Variants in TENM1 observed in about 807,000 individuals in gnomAD.
The protein encoded by TENM1 is teneurin transmembrane protein 1.
TENM1 carries 35 observed loss-of-function variants against 174.8 expected under a neutral mutation model. The observed-to-expected ratio is 0.20, with a 90% CI of 0.15 to 0.27. The LOEUF (loss-of-function observed/expected upper bound fraction) is 0.27. Ranked by LOEUF, TENM1 falls within the 10% of genes least tolerant of loss-of-function variation. The pLI, the probability that TENM1 is intolerant of heterozygous loss-of-function variation, is 1.00. For synonymous variants in TENM1, 781 were observed against 798.7 expected (o/e 0.98, Z 0.37); for missense variants, 1,633 against 2,130.1 (o/e 0.77, Z 4.59).
intron 11 of TENM1, among the ~76,000 whole-genome samples, chrX:124,608,193 A>G (rs901759524): frequency 1.8e-5 from 2 of 111,464 alleles, no homozygotes; most frequent in Admixed American, 1.9e-4. Context: ...ACCAGAGAAC[A>G]TTGTCTTTAG....
chrX:124,392,472 C>T (rs771311236), intron 27 of TENM1, 124 bp from the exon 31 acceptor site: 23 of 527,341 alleles, frequency 4.4e-5, no homozygotes, highest in Admixed American at 3.4e-4. Flanking sequence ...TGAAGCCTCA[C>T]GGCTTCACAT....
chrX:124,505,229 C>T (rs771153334), intron 18 of TENM1, among the ~76,000 whole-genome samples: 1 of 112,393 alleles, frequency 8.9e-6, no homozygotes, highest in Admixed American at 9.4e-5. Flanking sequence ...GGCGGGGATG[C>T]CCTTCTATCA....
chrX:125,188,051 C>T, the TENM1 span, among the ~76,000 whole-genome samples: 1 of 111,133 alleles, frequency 9.0e-6, no homozygotes, highest in African/African-American at 3.3e-5. Context: ...GCAGTGTGGG[C>T]CACACAGGGT....
intron 3 of TENM1, among the ~76,000 whole-genome samples, chrX:124,804,113 T>C (rs1230552287): frequency 3.6e-5 from 4 of 112,063 alleles, no homozygotes; most frequent in African/African-American, 1.3e-4. Flanking sequence ...AGGCTGACAA[T>C]GATTTTCTCT....
At chrX:125,103,547 C>T in the TENM1 span, among the ~76,000 whole-genome samples, 2 of 111,328 alleles carry the variant, frequency 1.8e-5, no homozygotes, top group South Asian at 3.8e-4. Flanking sequence ...CTAATCAAAG[C>T]GCCAGAAATA....
intron 3 of TENM1, among the ~76,000 whole-genome samples, chrX:124,795,078 T>C (rs1235651610): frequency 8.9e-6 from 1 of 112,019 alleles, no homozygotes; most frequent in Non-Finnish European, 1.9e-5. Context: ...TATTACCATA[T>C]CTACATATTT....
At position 124,766,910 on chromosome X, in the gene TENM1, G is replaced by T. The variant is rs141071570; in HGVS notation, c.536-29713C>A. 2.8e-3 allele frequency among the ~76,000 whole-genome samples: 314 copies of T among 111,529 alleles called. 1 individual carries two copies. The highest frequency in any genetic ancestry group is 9.8e-3 in the African/African-American group (302 of 30,833). On this transcript the variant is annotated intron_variant, in intron 3 of 31. Transcript: ENST00000422452. ...TAATTCTTATTAAATTAGGATATCT[G>T]ATATCTCTGTAACTTATTAACAGCT... is the stretch of plus-strand genomic sequence containing the variant.
the TENM1 span, among the ~76,000 whole-genome samples, chrX:125,016,049 C>T: frequency 9.0e-6 from 1 of 110,866 alleles, no homozygotes; most frequent in South Asian, 3.8e-4. Flanking sequence ...ACAAATAGCT[C>T]CTCCAAAAAT....
chrX:124,952,537 A>G (rs1353247436), intron 1 of TENM1, among the ~76,000 whole-genome samples: 1 of 111,310 alleles, frequency 9.0e-6, no homozygotes, highest in East Asian at 2.8e-4. Context: ...ATAATTTGAG[A>G]CACATTAGCA....
chrX:124,593,833 C>T (rs2049823568), intron 11 of TENM1, among the ~76,000 whole-genome samples: 1 of 111,770 alleles, frequency 8.9e-6, no homozygotes, highest in Admixed American at 9.5e-5. Context: ...GGATTGCAGT[C>T]GGGGAGAGCA....
intron 3 of TENM1, among the ~76,000 whole-genome samples, chrX:124,820,074 G>A (rs1245982136): frequency 9.0e-6 from 1 of 110,988 alleles, no homozygotes; most frequent in African/African-American, 3.3e-5. Flanking sequence ...GATTACAGGA[G>A]TGAGCTGCCC....
the TENM1 span, among the ~76,000 whole-genome samples, chrX:125,027,323 C>T: frequency 9.0e-6 from 1 of 110,983 alleles, no homozygotes; most frequent in East Asian, 2.8e-4. Flanking sequence ...ACAGTATTAA[C>T]GAAGGCTGAA....
chrX:124,927,184 CAGTGATAAACACCTTACCTAA>C lies in TENM1; in HGVS notation c.218-30964_218-30944del, dbSNP rs1410671508. ...ATTTTAAAGAGATATCAGAGACACC[CAGTGATAAACACCTTACCTAA>C]AGTCACAGTATGGATAACTAAAAAA... On this transcript the variant is annotated intron_variant, in intron 1 of 31. Transcript: ENST00000422452. Among the ~76,000 whole-genome samples, 4 of 111,652 alleles carry C rather than the reference CAGTGATAAACACCTTACCTAA, an allele frequency of 3.6e-5. No individual in the cohort carries two copies. The East Asian group carries it at 8.4e-4, about 24-fold the overall frequency.
At chrX:124,466,291 C>T (rs2061240031) in intron 22 of TENM1, among the ~76,000 whole-genome samples, 1 of 111,216 alleles carries the variant, frequency 9.0e-6, no homozygotes. Flanking sequence ...ACAATTTGAG[C>T]AATTTAAAAA....
intron 11 of TENM1, among the ~76,000 whole-genome samples, chrX:124,634,226 C>CT (rs1426709104): frequency 9.0e-6 from 1 of 111,493 alleles, no homozygotes; most frequent in African/African-American, 3.3e-5. Flanking sequence ...TATATTTCAA[C>CT]TTTTTTATTG....
intron 25 of TENM1, chrX:124,412,161 A>C (rs1032030400): frequency 3.5e-5 from 4 of 112,865 alleles, no homozygotes; most frequent in Non-Finnish European, 7.5e-5. Context: ...TGATGGTCTC[A>C]GAGGGTACCA....
At chrX:124,794,362 T>C (rs1311189712) in intron 3 of TENM1, among the ~76,000 whole-genome samples, 1 of 111,590 alleles carries the variant, frequency 9.0e-6, no homozygotes, top group African/African-American at 3.3e-5. Flanking sequence ...TTGATTCCCC[T>C]ATTTTCACTA....
chrX:125,198,966 T>C, the TENM1 span, among the ~76,000 whole-genome samples: 2 of 111,632 alleles, frequency 1.8e-5, no homozygotes, highest in African/African-American at 3.3e-5. Context: ...TCTGTTTCTG[T>C]AATTGTTGTA....
chrX:124,568,678 T>C (rs1459877411), intron 11 of TENM1, among the ~76,000 whole-genome samples: 1 of 111,508 alleles, frequency 9.0e-6, no homozygotes, highest in East Asian at 2.8e-4. Flanking sequence ...AAACAAAATA[T>C]ATTTTTAAAT....
Sources: allele counts gnomAD v4.1 joint callset (sites outside exome capture counted in the v4.1 genomes callset), GRCh38; gene constraint gnomAD v4.1.1; transcripts MANE v1.5; gene names NCBI Gene and HGNC (gene_info 2026-07-23, HGNC 2026-07-21).